SLC8A1: variants seen among roughly 807,000 people sequenced by gnomAD.
The protein encoded by SLC8A1 is sodium/calcium exchanger 1.
SLC8A1 carries 18 observed loss-of-function variants against 68.3 expected under a neutral mutation model. The observed-to-expected ratio is 0.26, with a 90% CI of 0.18 to 0.39. The LOEUF is 0.39. Among genes scored for constraint, SLC8A1 ranks in the 10% least tolerant of loss-of-function variants. The pLI, the probability that SLC8A1 is intolerant of heterozygous loss-of-function variation, is 1.00. For missense variants in SLC8A1, 985 were observed against 1,156.7 expected, an observed-to-expected ratio of 0.85 and a Z score of 2.15; for synonymous variants, 475 against 415.5, an observed-to-expected ratio of 1.14 and a Z score of -1.74.
At chr2:40,258,020 G>A (rs2064174456) in intron 2 of SLC8A1, among the ~76,000 whole-genome samples, 1 of 152,164 alleles carries the variant, frequency 6.6e-6, no homozygotes, top group African/African-American at 2.4e-5. Context: ...ATACCAGCGT[G>A]GGTGATGCTG....
At chr2:40,368,879 A>G (rs900859213) in intron 2 of SLC8A1, among the ~76,000 whole-genome samples, 2 of 152,100 alleles carry the variant, frequency 1.3e-5, no homozygotes, top group Non-Finnish European at 2.9e-5. Flanking sequence ...CCCAGAAATA[A>G]GACCACACAC....
chr2:40,508,352 T>TA (rs71406076), intron 1 of SLC8A1, among the ~76,000 whole-genome samples: 19,149 of 143,536 alleles, frequency 0.13, 1,532 homozygotes, highest in Middle Eastern at 0.23. Context: ...AAGGTAAAAG[T>TA]AAAAAAAAAA....
intron 2 of SLC8A1, among the ~76,000 whole-genome samples, chr2:40,402,335 C>G (rs1226161853): frequency 6.6e-6 from 1 of 152,150 alleles, no homozygotes; most frequent in Non-Finnish European, 1.5e-5. Context: ...GAATTGCCCA[C>G]CCCTTTGCCA....
chr2:40,217,960 T>C (rs1015296110), intron 2 of SLC8A1, among the ~76,000 whole-genome samples: 2 of 152,106 alleles, frequency 1.3e-5, no homozygotes, highest in African/African-American at 2.4e-5. Context: ...GGTAAACAGA[T>C]TGTGTGAAGG....
chr2:40,454,798 AC>A (rs1378730657), upstream of SLC8A1, among the ~76,000 whole-genome samples: 1 of 152,178 alleles, frequency 6.6e-6, no homozygotes, highest in Non-Finnish European at 1.5e-5. Context: ...TAAATGTCAT[AC>A]ATGAGTGAGT....
At chr2:40,131,858 ATTTTT>A (rs71404277) in intron 7 of SLC8A1, among the ~76,000 whole-genome samples, 1,324 of 95,516 alleles carry the variant, frequency 0.014, 10 homozygotes, top group African/African-American at 0.043. Flanking sequence ...TTGGTATTCT[ATTTTT>A]TTTTTTTTTT....
chr2:40,313,773 C>T (rs958881981), intron 2 of SLC8A1, among the ~76,000 whole-genome samples: 2 of 151,920 alleles, frequency 1.3e-5, no homozygotes, highest in African/African-American at 4.8e-5. Context: ...ATTTACATTT[C>T]CCTAGTGAGT....
intron 2 of SLC8A1, among the ~76,000 whole-genome samples, chr2:40,390,948 G>A (rs1337350800): frequency 1.3e-5 from 2 of 152,006 alleles, no homozygotes; most frequent in African/African-American, 2.4e-5. Flanking sequence ...GGGAGCTACC[G>A]CATGGCTCTT....
intron 6 of SLC8A1, among the ~76,000 whole-genome samples, chr2:40,158,548 T>C (rs1488600682): frequency 6.6e-6 from 1 of 152,196 alleles, no homozygotes; most frequent in African/African-American, 2.4e-5. Context: ...ATCTCAGTTA[T>C]TAACAATTCT....
chr2:40,209,861 G>A (rs1350484046), intron 2 of SLC8A1: 1 of 152,470 alleles, frequency 6.6e-6, no homozygotes, highest in Non-Finnish European at 1.5e-5. Context: ...AAGAAGGCTT[G>A]ACTGAAGTAG....
At chr2:40,192,281 A>G (rs1258390477) in intron 2 of SLC8A1, among the ~76,000 whole-genome samples, 2 of 152,080 alleles carry the variant, frequency 1.3e-5, no homozygotes, top group Admixed American at 6.6e-5. Context: ...TGAATATTAT[A>G]ATATTCATTT....
chr2:40,283,350 A>G (rs2067794427), intron 2 of SLC8A1, among the ~76,000 whole-genome samples: 1 of 152,186 alleles, frequency 6.6e-6, no homozygotes, highest in Non-Finnish European at 1.5e-5. Flanking sequence ...AGTTCAACAA[A>G]TGGTAAAACA....
chr2:40,404,480 C>T (rs1267875183), intron 2 of SLC8A1, among the ~76,000 whole-genome samples: 1 of 152,106 alleles, frequency 6.6e-6, no homozygotes, highest in Non-Finnish European at 1.5e-5. Context: ...TGGTTTTATG[C>T]AACAGCTATC....
At chr2:40,243,328 CAAAT>C (rs369469861) in intron 2 of SLC8A1, among the ~76,000 whole-genome samples, 11 of 152,064 alleles carry the variant, frequency 7.2e-5, no homozygotes, top group African/African-American at 1.7e-4. Context: ...ACCAAAAATA[CAAAT>C]AAATAAATAA....
chr2:40,327,098 T>A (rs991104597), intron 2 of SLC8A1, among the ~76,000 whole-genome samples: 1 of 152,230 alleles, frequency 6.6e-6, no homozygotes. Context: ...TGTCTTAAAT[T>A]ATATAATTTT....
Position 40,256,825 on chromosome 2 carries a change from G to C in SLC8A1, c.1809-78970C>G, listed in dbSNP as rs549535980. Among the ~76,000 whole-genome samples, 94 of 152,280 alleles carry C rather than the reference G, an allele frequency of 6.2e-4. 1 individual carries two copies. The highest frequency in any genetic ancestry group is 1.8e-3 in the African/African-American group (73 of 41,546). ...CTGCATCCACAGGGTTGGGGATGCT[G>C]AGTGCAATCCCTCTATTCTGCCACC... On this transcript the variant is annotated intron_variant, in intron 2 of 7. Coordinates refer to ENST00000406785, the Ensembl canonical transcript of SLC8A1.
chr2:40,386,871 C>A lies in SLC8A1; in HGVS notation c.1808+41602G>T, dbSNP rs10169407. Among the ~76,000 whole-genome samples the A allele has an allele frequency of 2.0e-5, 3 of 151,228 alleles. 1 individual carries two copies. The highest frequency in any genetic ancestry group is 7.4e-5 in the African/African-American group (3 of 40,604). On this transcript the variant is annotated intron_variant, in intron 2 of 7. Coordinates refer to ENST00000406785, the Ensembl canonical transcript of SLC8A1. Reference sequence around the variant, plus strand: ...CTAAAATACCATGAATGACAACAAACTACCATTTTGTCTTCCTTGTCTATC... The same window carrying A: ...CTAAAATACCATGAATGACAACAAAATACCATTTTGTCTTCCTTGTCTATC...
intron 2 of SLC8A1, among the ~76,000 whole-genome samples, chr2:40,397,699 G>C (rs892477810): frequency 6.6e-6 from 1 of 152,282 alleles, no homozygotes; most frequent in Non-Finnish European, 1.5e-5. Context: ...GTGGCACAAA[G>C]CATTCAGAAG....
chr2:40,290,375 T>C (rs1307305781), intron 2 of SLC8A1, among the ~76,000 whole-genome samples: 2 of 152,182 alleles, frequency 1.3e-5, no homozygotes, highest in African/African-American at 2.4e-5. Context: ...AGTTCGGAGA[T>C]AGCATTAGAT....
Sources: gnomAD v4.1 joint callset for allele counts (sites outside exome capture counted in the v4.1 genomes callset) on GRCh38, gnomAD v4.1.1 for gene constraint, MANE v1.5 for transcripts, NCBI Gene and HGNC (gene_info 2026-07-23, HGNC 2026-07-21) for gene names.